Variants in N4BP2 observed in about 807,000 individuals in gnomAD.
The protein encoded by N4BP2 is NEDD4-binding protein 2.
A neutral mutation model predicts 152.8 loss-of-function variants in N4BP2; 91 were observed. The ratio of observed to expected loss-of-function variants is 0.60; its 90% confidence interval spans 0.50 to 0.71. The LOEUF (loss-of-function observed/expected upper bound fraction) is 0.71. N4BP2 is among the 30% of genes least tolerant of loss of function. The probability of loss-of-function intolerance (pLI) is 0.00; values close to 1 mark genes in which losing one functional copy is unlikely to be tolerated. For missense variants in N4BP2, 1,923 were observed against 2,059.1 expected (o/e 0.93, Z 1.28); for synonymous variants, 646 against 705.3 (o/e 0.92, Z 1.33).
At chr4:40,161,277 G>A (rs1268982428), downstream of N4BP2, among the ~76,000 whole-genome samples, 4 of 152,230 alleles carry the variant, frequency 2.6e-5, no homozygotes, top group Non-Finnish European at 5.9e-5. Context: ...CAAGGCTGTA[G>A]ATCCAACAAC....
At chr4:40,095,303 A>T (rs1176190668) in intron 2 of N4BP2, among the ~76,000 whole-genome samples, 2 of 151,060 alleles carry the variant, frequency 1.3e-5, no homozygotes, top group Non-Finnish European at 3.0e-5. Context: ...CCCGTCTCAA[A>T]CTCCTGACCT....
chr4:40,117,357 T>C (rs1717440347), intron 7 of N4BP2, among the ~76,000 whole-genome samples: 1 of 152,198 alleles, frequency 6.6e-6, no homozygotes, highest in South Asian at 2.1e-4. Context: ...ATGCATATAT[T>C]ATCCCTGGGA....
chr4:40,133,872 C>T (rs1413813848), intron 13 of N4BP2, among the ~76,000 whole-genome samples: 1 of 152,136 alleles, frequency 6.6e-6, no homozygotes, highest in Admixed American at 6.5e-5. Context: ...GTGGCACGAT[C>T]TTGGCTCATT....
chr4:40,125,444 G>A (rs10018901), intron 11 of N4BP2, among the ~76,000 whole-genome samples: 12,449 of 152,180 alleles, frequency 0.082, 937 homozygotes, highest in East Asian at 0.41. Context: ...CCTTAGAATG[G>A]GTGGCCAGAG....
At chr4:40,097,671 A>G in intron 3 of N4BP2, 102 bp downstream of exon 3, 1 of 725,428 alleles carries the variant, frequency 1.4e-6, no homozygotes, top group Admixed American at 2.8e-5. Flanking sequence ...TTTCTATTTT[A>G]TTCATAATTT....
At chr4:40,072,129 C>T (rs1415704282) in intron 1 of N4BP2, among the ~76,000 whole-genome samples, 6 of 151,460 alleles carry the variant, frequency 4.0e-5, no homozygotes, top group South Asian at 4.2e-4. Flanking sequence ...AGCTGGAGTG[C>T]GGTGGCACAA....
chr4:40,074,230 A>G (rs1391347512), intron 2 of N4BP2, among the ~76,000 whole-genome samples: 1 of 77,260 alleles, frequency 1.3e-5, no homozygotes, highest in Non-Finnish European at 3.4e-5. Context: ...AGCTGGGATT[A>G]CAGATGTGTG....
At chr4:40,064,398 C>T (rs1484973515) in intron 1 of N4BP2, among the ~76,000 whole-genome samples, 1 of 151,978 alleles carries the variant, frequency 6.6e-6, no homozygotes, top group Non-Finnish European at 1.5e-5. Flanking sequence ...CCTCAGCCTC[C>T]TGAGTAGCTG....
At chr4:40,160,601 CA>C (rs1721832953), downstream of N4BP2, among the ~76,000 whole-genome samples, 1 of 152,224 alleles carries the variant, frequency 6.6e-6, no homozygotes, top group Non-Finnish European at 1.5e-5. Flanking sequence ...TTTCAACTTA[CA>C]GTGAGTTTAT....
chr4:40,090,695 G>T (rs1714442055), intron 2 of N4BP2, among the ~76,000 whole-genome samples: 1 of 152,150 alleles, frequency 6.6e-6, no homozygotes, highest in Non-Finnish European at 1.5e-5. Context: ...TACTTTGGGA[G>T]GCTGAGGCAG....
At chr4:40,172,524 T>C in the N4BP2 span, among the ~76,000 whole-genome samples, 15 of 152,198 alleles carry the variant, frequency 9.9e-5, no homozygotes, top group African/African-American at 3.6e-4. Flanking sequence ...GACACAGAGA[T>C]AGCCACAGAG....
At chr4:40,119,822 A>T (rs1205569617) in intron 8 of N4BP2, 110 bp from the exon 9 acceptor site, 2 of 520,528 alleles carry the variant, frequency 3.8e-6, no homozygotes, top group Non-Finnish European at 6.8e-6. Context: ...TATTTATAAA[A>T]TTTTCAGAAT....
chr4:40,087,551 G>T (rs1214482135), intron 2 of N4BP2, among the ~76,000 whole-genome samples: 2 of 151,820 alleles, frequency 1.3e-5, no homozygotes, highest in Non-Finnish European at 2.9e-5. Flanking sequence ...TTTTAGTAGA[G>T]ACTGGGTTTT....
the N4BP2 span, among the ~76,000 whole-genome samples, chr4:40,179,766 T>C: frequency 2.7e-3 from 394 of 148,380 alleles, 1 homozygote; most frequent in African/African-American, 8.4e-3. Context: ...TTTCTTTTTT[T>C]TTTTTTTTTT....
At chr4:40,114,393 C>T (rs1717169528) in intron 7 of N4BP2, among the ~76,000 whole-genome samples, 1 of 152,158 alleles carries the variant, frequency 6.6e-6, no homozygotes, top group Admixed American at 6.6e-5. Context: ...CTCTAGTTCC[C>T]CCCTCCTCTT....
At chr4:40,180,024 A>G in the N4BP2 span, among the ~76,000 whole-genome samples, 1 of 152,100 alleles carries the variant, frequency 6.6e-6, no homozygotes, top group African/African-American at 2.4e-5. Flanking sequence ...TCGGCCTCCC[A>G]AACTGCTGGG....
chr4:40,188,562 T>C, the N4BP2 span, among the ~76,000 whole-genome samples: 1 of 151,784 alleles, frequency 6.6e-6, no homozygotes, highest in Non-Finnish European at 1.5e-5. Context: ...CTGGGCAACA[T>C]AGGGAAACCC....
chr4:40,093,608 A>T (rs1560586264), intron 2 of N4BP2, among the ~76,000 whole-genome samples: 1 of 149,322 alleles, frequency 6.7e-6, no homozygotes, highest in East Asian at 2.0e-4. Flanking sequence ...ATTTATTATT[A>T]TTATTTATTT....
At chr4:40,113,647 GT>G in intron 7 of N4BP2, 139 bp downstream of exon 7, 1 of 685,606 alleles carries the variant, frequency 1.5e-6, no homozygotes, top group South Asian at 1.8e-5. Flanking sequence ...TTTTTGTCCA[GT>G]TTTATGAAGA....
Sources: gnomAD v4.1 joint callset for allele counts (sites outside exome capture counted in the v4.1 genomes callset) on GRCh38, gnomAD v4.1.1 for gene constraint, MANE v1.5 for transcripts, NCBI Gene and HGNC (gene_info 2026-07-23, HGNC 2026-07-21) for gene names.